The following CFAP206 variants were observed in gnomAD, a reference collection of about 807,000 sequenced individuals.
CFAP206 encodes the protein cilia and flagella associated protein 206, also known as cilia- and flagella-associated protein 206.
A neutral mutation model predicts 65.4 loss-of-function variants in CFAP206; 53 were observed. The ratio of observed to expected loss-of-function variants is 0.81; its 90% CI spans 0.65 to 1.02. CFAP206 has a LOEUF of 1.02. Among genes scored for constraint, CFAP206 ranks in the 50% least tolerant of loss-of-function variants. The probability of loss-of-function intolerance (pLI) is 0.00; values close to 1 mark genes in which losing one functional copy is unlikely to be tolerated. For synonymous variants in CFAP206, 250 were observed against 254.4 expected, an observed-to-expected ratio of 0.98 and a Z score of 0.17; for missense variants, 663 against 753.2, an observed-to-expected ratio of 0.88 and a Z score of 1.40.
At chr6:87,410,724 A>G (rs535433828) in intron 3 of CFAP206, 56 bp downstream of exon 3, 35 of 1,320,672 alleles carry the variant, frequency 2.7e-5, no homozygotes, top group Admixed American at 5.2e-5. Context: ...TGTAAATACA[A>G]TATTTGTATT....
At chr6:87,431,780 A>T (rs1331992470) in intron 10 of CFAP206, among the ~76,000 whole-genome samples, 1 of 152,188 alleles carries the variant, frequency 6.6e-6, no homozygotes, top group African/African-American at 2.4e-5. Context: ...AAACAAAAGA[A>T]ATGTTACACA....
intron 11 of CFAP206, among the ~76,000 whole-genome samples, chr6:87,445,500 T>G (rs1265998714): frequency 2.0e-5 from 3 of 152,122 alleles, no homozygotes; most frequent in African/African-American, 7.2e-5. Flanking sequence ...GATAATGCCT[T>G]CCAGCCCCAT....
rs954524692 is a variant in CFAP206, at chr6:87,442,972, A to C, written c.1494+7919A>C. 6.6e-5 allele frequency among the ~76,000 whole-genome samples: 10 copies of C among 152,210 alleles called. No individual in the cohort carries two copies. The South Asian group carries it at 8.3e-4, about 13-fold the overall frequency. On this transcript the variant is annotated intron_variant, in intron 11 of 12. Coordinates refer to ENST00000369562, the MANE Select transcript of CFAP206 (RefSeq NM_001031743.3). ...TTGCTGTCCGTTGTTTAGATGTGAA[A>C]GTTATACATGTCTTATAAATGAGTA...
intron 7 of CFAP206, among the ~76,000 whole-genome samples, chr6:87,419,822 A>G (rs186144583): frequency 8.4e-4 from 128 of 152,276 alleles, no homozygotes; most frequent in Non-Finnish European, 9.1e-4. Context: ...TGTCTTCAGG[A>G]GGAAGGATCC....
At chr6:87,450,964 C>G (rs901996430) in intron 11 of CFAP206, among the ~76,000 whole-genome samples, 3 of 152,158 alleles carry the variant, frequency 2.0e-5, no homozygotes, top group African/African-American at 7.2e-5. Flanking sequence ...CAGTACAGGG[C>G]AGAATTCGGC....
intron 3 of CFAP206, among the ~76,000 whole-genome samples, chr6:87,411,222 A>G (rs1767730087): frequency 1.3e-5 from 2 of 151,956 alleles, no homozygotes; most frequent in South Asian, 4.1e-4. Context: ...GCAAACATTA[A>G]CTAGTTCGTC....
chr6:87,455,221 C>T (rs751884417), intron 11 of CFAP206, among the ~76,000 whole-genome samples: 14 of 152,110 alleles, frequency 9.2e-5, no homozygotes, highest in Non-Finnish European at 1.8e-4. Context: ...CACACCCAGA[C>T]TGGAACTTTG....
At chr6:87,427,132 T>C (rs1438141861) in intron 8 of CFAP206, among the ~76,000 whole-genome samples, 1 of 152,122 alleles carries the variant, frequency 6.6e-6, no homozygotes, top group East Asian at 1.9e-4. Flanking sequence ...CAGTATTATT[T>C]TTATTTATTT....
chr6:87,444,251 G>A (rs1249402757), intron 11 of CFAP206: 1 of 179,796 alleles, frequency 5.6e-6, no homozygotes, highest in East Asian at 1.5e-4. Context: ...CTGCATTTGG[G>A]GTAGAGGGGT....
intron 7 of CFAP206, 75 bp downstream of exon 7, chr6:87,418,491 C>T: frequency 7.8e-7 from 1 of 1,276,888 alleles, no homozygotes; most frequent in Non-Finnish European, 1.1e-6. Flanking sequence ...CAGGTAGAAC[C>T]AGGTCACTAA....
In CFAP206 at chr6:87,416,601, T is replaced by A. The variant is rs369501687; in HGVS notation, c.473-68T>A. 14 of 1,418,728 alleles carry A rather than the reference T, an allele frequency of 9.9e-6. No homozygotes were observed. The African/African-American group carries it at 1.9e-4, about 19-fold the overall frequency. The allele number at this position is 1,418,728 out of a possible 1,614,324, so 87.9% of individuals were successfully genotyped here. On this transcript the variant is annotated intron_variant, in intron 5 of 12. Coordinates refer to ENST00000369562, the MANE Select transcript of CFAP206 (RefSeq NM_001031743.3). Reference sequence around the variant, plus strand: ...CTTAACTTGCTGCTAAAGAAAAACGTTATTTAACGTCTGATATCTTTATTC... The same window carrying A: ...CTTAACTTGCTGCTAAAGAAAAACGATATTTAACGTCTGATATCTTTATTC...
At chr6:87,454,038 A>G (rs953818360) in intron 11 of CFAP206, among the ~76,000 whole-genome samples, 1 of 152,214 alleles carries the variant, frequency 6.6e-6, no homozygotes, top group Non-Finnish European at 1.5e-5. Context: ...AAATGAAGGG[A>G]TGAAAAAAGT....
intron 11 of CFAP206, among the ~76,000 whole-genome samples, chr6:87,457,323 A>G (rs1768664482): frequency 6.6e-6 from 1 of 152,148 alleles, no homozygotes; most frequent in South Asian, 2.1e-4. Context: ...TAACCTTACA[A>G]CTTATATGGA....
chr6:87,435,083 T>G (rs1396761190), intron 11 of CFAP206, 30 bp downstream of exon 11: 1 of 1,465,740 alleles, frequency 6.8e-7, no homozygotes, highest in South Asian at 1.2e-5. Flanking sequence ...TATGAATTTA[T>G]GACATTTAAA....
intron 7 of CFAP206, among the ~76,000 whole-genome samples, chr6:87,424,442 C>A (rs1017334743): frequency 5.3e-5 from 8 of 151,980 alleles, no homozygotes; most frequent in African/African-American, 1.7e-4. Flanking sequence ...CCACGCCCAG[C>A]TAATTTTTTT....
rs747718751 is a variant in CFAP206 at position 87,426,592 on chromosome 6, C to T, written c.907C>T (p.Gln303Ter). The T allele has an allele frequency of 6.2e-7, 1 of 1,600,094 alleles. No individual in the cohort carries two copies. The highest frequency in any genetic ancestry group is 2.3e-5 in the East Asian group (1 of 44,240). Residue 303 changes from glutamine to a stop codon, truncating the protein, a stop_gained, in exon 8 of 13, where the codon CAA becomes TAA. Transcript: ENST00000369562. LOFTEE classifies it high-confidence loss of function. ...AAAACAGTTAGGAGCCCATCTGGAA[C>T]AACTAAAAATGACCATAAAATCAAA... ...MTKQLGAHLE[Q>*]LKMTIKSKIA...
At chr6:87,452,424 G>A (rs914210763) in intron 11 of CFAP206, among the ~76,000 whole-genome samples, 2 of 152,128 alleles carry the variant, frequency 1.3e-5, no homozygotes, top group Non-Finnish European at 2.9e-5. Flanking sequence ...CCCAGACATT[G>A]ACAAACATCC....
chr6:87,437,576 T>C (rs1768292926), intron 11 of CFAP206, among the ~76,000 whole-genome samples: 1 of 152,110 alleles, frequency 6.6e-6, no homozygotes, highest in Non-Finnish European at 1.5e-5. Context: ...AATTTTTTCC[T>C]TTACAGATTG....
chr6:87,429,873 A>G (rs924117251), intron 9 of CFAP206, among the ~76,000 whole-genome samples: 2 of 152,196 alleles, frequency 1.3e-5, no homozygotes, highest in African/African-American at 4.8e-5. Flanking sequence ...AAACTAAAAA[A>G]TATCCTTTCA....
Sources: gnomAD v4.1 joint callset for allele counts (sites outside exome capture counted in the v4.1 genomes callset) on GRCh38, gnomAD v4.1.1 for gene constraint, MANE v1.5 for transcripts, NCBI Gene and HGNC (gene_info 2026-07-23, HGNC 2026-07-21) for gene names.